The following RXFP1 variants were observed in gnomAD, a reference collection of about 807,000 sequenced individuals.
The protein encoded by RXFP1 is relaxin receptor 1.
In RXFP1, 73 loss-of-function variants were observed where a neutral mutation model predicts 89.8. The observed-to-expected ratio is 0.81, with a 90% CI of 0.67 to 0.99. The LOEUF (loss-of-function observed/expected upper bound fraction) is 0.99, where lower values mean the gene tolerates loss of function less well. Among genes scored for constraint, RXFP1 ranks in the 50% least tolerant of loss-of-function variants. RXFP1 has a pLI of 0.00. For synonymous variants in RXFP1, 277 were observed against 305.5 expected, an observed-to-expected ratio of 0.91 and a Z score of 0.97; for missense variants, 793 against 895.5, an observed-to-expected ratio of 0.89 and a Z score of 1.46.
In RXFP1 at chr4:158,542,079, C is replaced by CCATATATATA. The variant is rs56378897; in HGVS notation, c.49+20054_49+20055insCATATATATA. 7.7e-3 allele frequency among the ~76,000 whole-genome samples: 229 copies of CCATATATATA among 29,712 alleles called. 25 individuals carry two copies. Among genetic ancestry groups the CCATATATATA allele is most frequent in the African/African-American group, 0.015 (155 of 10,648 alleles). 19.5% of individuals were successfully genotyped at this position (29,712 alleles called of 152,430 possible). ...GGACTACAGGCAGGCGCCACCATGGCTATATATATATATATATATATATAT... is the reference window on the plus strand; with the variant it reads ...GGACTACAGGCAGGCGCCACCATGGCCATATATATATATATATATATATATATATATATAT... On this transcript the variant is annotated intron_variant, in intron 1 of 17. Transcript: ENST00000307765.
chr4:158,569,541 C>G (rs530404794), intron 1 of RXFP1, among the ~76,000 whole-genome samples: 1 of 152,232 alleles, frequency 6.6e-6, no homozygotes, highest in African/African-American at 2.4e-5. Flanking sequence ...CTCTCTGTAC[C>G]TTTTGCTCTA....
At chr4:158,614,384 A>G (rs1257060357) in intron 8 of RXFP1, among the ~76,000 whole-genome samples, 1 of 152,244 alleles carries the variant, frequency 6.6e-6, no homozygotes, top group Non-Finnish European at 1.5e-5. Flanking sequence ...TGTTTCATCT[A>G]CATTGAAAAT....
rs778293511 is a variant in RXFP1 at position 158,648,460 on chromosome 4, A to T, written c.1757-39A>T. The stretch of plus-strand genomic sequence containing the variant: ...TATGTTTGTTCATTTTGAAAGAAAT[A>T]TTTCTATGCATTAATAATACTGTTT... On this transcript the variant is annotated intron_variant, in intron 16 of 17. Transcript: ENST00000307765. 5 of 1,194,564 alleles carry T rather than the reference A, an allele frequency of 4.2e-6. No individual in the cohort carries two copies. In the South Asian group the frequency reaches 7.6e-5, roughly 18 times the overall value. The allele number at this position is 1,194,564 out of a possible 1,614,324, so 74.0% of individuals were successfully genotyped here. A position where few individuals can be genotyped will look rare whatever the true frequency, so the allele number is the denominator to read the frequency against.
chr4:158,650,251 A>C (rs1403215214), intron 17 of RXFP1, among the ~76,000 whole-genome samples: 1 of 146,632 alleles, frequency 6.8e-6, no homozygotes, highest in Non-Finnish European at 1.5e-5. Context: ...AGAGTGTTTA[A>C]TAGGCATAGA....
chr4:158,586,509 A>C (rs1344032177), intron 2 of RXFP1, among the ~76,000 whole-genome samples: 2 of 152,178 alleles, frequency 1.3e-5, no homozygotes, highest in African/African-American at 4.8e-5. Context: ...TCAGAGAATA[A>C]ATTTCATCAG....
chr4:158,611,512 G>C lies in RXFP1; in HGVS notation c.537-618G>C, dbSNP rs577269828. 1.1e-4 allele frequency among the ~76,000 whole-genome samples: 17 copies of C among 152,256 alleles called. 1 individual carries two copies. In the South Asian group the frequency reaches 2.7e-3, roughly 24 times the overall value. Reference sequence around the variant, plus strand: ...AGCCCCTTCATGGTGAGGCCCCATTGAATTACCTGGTGATTTCTTAACTTG... The same window carrying C: ...AGCCCCTTCATGGTGAGGCCCCATTCAATTACCTGGTGATTTCTTAACTTG... On this transcript the variant is annotated intron_variant, in intron 6 of 17. Transcript: ENST00000307765.
intron 12 of RXFP1, among the ~76,000 whole-genome samples, chr4:158,634,044 G>A (rs994505457): frequency 3.3e-5 from 5 of 152,188 alleles, no homozygotes; most frequent in African/African-American, 1.2e-4. Flanking sequence ...ACTCTCAAAA[G>A]TAGAATTGCT....
chr4:158,631,611 G>A (rs1216764046), intron 11 of RXFP1, among the ~76,000 whole-genome samples: 1 of 152,156 alleles, frequency 6.6e-6, no homozygotes, highest in African/African-American at 2.4e-5. Context: ...TGGGCTCAGA[G>A]GTTAAACAGA....
chr4:158,539,344 G>A (rs1359353061), intron 1 of RXFP1, among the ~76,000 whole-genome samples: 1 of 152,080 alleles, frequency 6.6e-6, no homozygotes, highest in East Asian at 1.9e-4. Flanking sequence ...AGTGGGGGGA[G>A]GGGGAAGGGA....
upstream of RXFP1, chr4:158,521,792 GA>G (rs1390206178): frequency 1.8e-6 from 1 of 543,218 alleles, no homozygotes; most frequent in Non-Finnish European, 3.3e-6. Context: ...TAGAAAGGAG[GA>G]AAGAAAAAAA....
intron 4 of RXFP1, among the ~76,000 whole-genome samples, chr4:158,601,969 C>A (rs548279559): frequency 1.3e-5 from 2 of 152,124 alleles, no homozygotes; most frequent in Non-Finnish European, 2.9e-5. Flanking sequence ...ATACTAAGAA[C>A]TTTCTTTATA....
intron 9 of RXFP1, among the ~76,000 whole-genome samples, chr4:158,621,074 G>A (rs771106620): frequency 6.6e-5 from 10 of 152,162 alleles, no homozygotes; most frequent in Non-Finnish European, 1.5e-4. Flanking sequence ...GGAGGTGGAA[G>A]TTGCAGTGAG....
chr4:158,544,804 T>C (rs1268325469), intron 1 of RXFP1, among the ~76,000 whole-genome samples: 4 of 152,216 alleles, frequency 2.6e-5, no homozygotes, highest in Non-Finnish European at 4.4e-5. Context: ...TGCATAGTAT[T>C]CCATGGTGTA....
chr4:158,568,100 A>G (rs902362509), intron 1 of RXFP1, among the ~76,000 whole-genome samples: 2 of 152,150 alleles, frequency 1.3e-5, no homozygotes, highest in Non-Finnish European at 2.9e-5. Context: ...AATACTCACC[A>G]CAAAGGCCTT....
intron 11 of RXFP1, among the ~76,000 whole-genome samples, chr4:158,631,155 C>T (rs1767947634): frequency 2.0e-5 from 3 of 152,138 alleles, no homozygotes; most frequent in Admixed American, 2.0e-4. Flanking sequence ...AACTATCTGC[C>T]AGGATTTGCT....
intron 2 of RXFP1, 182 bp downstream of exon 2, chr4:158,573,017 T>C (rs1357520087): frequency 1.1e-6 from 1 of 893,610 alleles, no homozygotes; most frequent in East Asian, 3.5e-5. Flanking sequence ...TTCTTGTTTT[T>C]GTTTTTTTTT....
intron 1 of RXFP1, among the ~76,000 whole-genome samples, chr4:158,529,018 C>T (rs986466760): frequency 2.0e-5 from 3 of 152,200 alleles, no homozygotes; most frequent in African/African-American, 7.2e-5. Flanking sequence ...CTGTTTTCTT[C>T]CCTCTCCCCA....
intron 1 of RXFP1, among the ~76,000 whole-genome samples, chr4:158,557,133 A>G (rs1751483779): frequency 6.6e-6 from 1 of 152,196 alleles, no homozygotes; most frequent in Non-Finnish European, 1.5e-5. Context: ...TACACTAACT[A>G]CCCTAATTGA....
At chr4:158,572,318 A>G (rs1011585531) in intron 1 of RXFP1, among the ~76,000 whole-genome samples, 2 of 152,232 alleles carry the variant, frequency 1.3e-5, no homozygotes, top group East Asian at 1.9e-4. Context: ...ATACCAGACC[A>G]GCCTTGATTC....
Sources: allele counts gnomAD v4.1 joint callset (sites outside exome capture counted in the v4.1 genomes callset), GRCh38; gene constraint gnomAD v4.1.1; transcripts MANE v1.5; gene names NCBI Gene and HGNC (gene_info 2026-07-23, HGNC 2026-07-21).